FAT4: variants seen among roughly 807,000 people sequenced by gnomAD.
FAT4 encodes the protein FAT atypical cadherin 4.
A neutral mutation model predicts 303.9 loss-of-function variants in FAT4; 84 were observed. That is an observed-to-expected ratio of 0.28 (90% CI 0.23 to 0.33). FAT4 has a LOEUF of 0.33. Among genes scored for constraint, FAT4 ranks in the 10% least tolerant of loss-of-function variants. The pLI is 1.00. For synonymous variants in FAT4, 2,307 were observed against 2,298.8 expected, an observed-to-expected ratio of 1.00 and a Z score of -0.10; for missense variants, 6,005 against 6,146.8, an observed-to-expected ratio of 0.98 and a Z score of 0.77.
In FAT4 at chr4:125,360,261, G is replaced by A. The variant is rs548518026; in HGVS notation, c.5176-38523G>A. ...CTTTCCTCAATGGCTAAGAGATCTG[G>A]AGTCATCATGTCTGGGTTCATATTC... On this transcript the variant is annotated intron_variant, in intron 2 of 17. Transcript: ENST00000394329. Among the ~76,000 whole-genome samples the A allele has an allele frequency of 1.6e-4, 25 of 152,162 alleles. No individual in the cohort carries two copies. The Middle Eastern group carries it at 0.014, about 83-fold the overall frequency.
chr4:125,343,271 G>A (rs1430537342), intron 2 of FAT4, among the ~76,000 whole-genome samples: 1 of 152,092 alleles, frequency 6.6e-6, no homozygotes, highest in Non-Finnish European at 1.5e-5. Context: ...GCAAGTCAGT[G>A]TATTAACCTA....
At chr4:125,466,076 C>G (rs1726652139) in intron 11 of FAT4, among the ~76,000 whole-genome samples, 1 of 152,058 alleles carries the variant, frequency 6.6e-6, no homozygotes. Context: ...AGCTTCTCAT[C>G]AATAAAAGAT....
In FAT4 at chr4:125,318,614, C is replaced by G; in HGVS notation, c.2203C>G (p.Arg735Gly). 6.2e-7 allele frequency: 1 copy of G among 1,614,104 alleles called. No homozygotes were observed. Among genetic ancestry groups the G allele is most frequent in the East Asian group, 2.2e-5 (1 of 44,872 alleles). ...KYSISAGDRS[R>G]FQVNAQSGVI... ...TAGCATATCTGCTGGGGACAGGTCT[C>G]GGTTTCAGGTCAATGCTCAGAGTGG... The change falls in exon 2 of 18, where the codon CGG (arginine) becomes GGG (glycine). Residue 735 changes from arginine (R) to glycine (G), a missense_variant. Arg to Gly is a moderately radical substitution (Grantham distance 125). Transcript: ENST00000394329.
chr4:125,361,456 T>G, intron 2 of FAT4, among the ~76,000 whole-genome samples: 1 of 152,158 alleles, frequency 6.6e-6, no homozygotes, highest in East Asian at 1.9e-4. Flanking sequence ...TTGAGAAATA[T>G]AAAGTCATTG....
chr4:125,468,642 A>G lies in FAT4; in HGVS notation c.12036A>G (p.Leu4012=), dbSNP rs753006269. The G allele has an allele frequency of 1.2e-6, 2 of 1,614,124 alleles. No homozygotes were observed. Among genetic ancestry groups the G allele is most frequent in the Non-Finnish European group, 1.7e-6 (2 of 1,180,020 alleles). The part of the protein sequence containing the change: ...VKFATIKSHA[L]LLYNYDNQTG... ...TTGCCACGATTAAAAGTCATGCCTT[A>G]TTGCTTTACAACTATGACAACCAGA... Residue 4012 remains leucine, a synonymous_variant, in exon 12 of 18, where the codon TTA becomes TTG. Transcript: ENST00000394329.
chr4:125,413,765 G>A (rs961484087), intron 5 of FAT4, among the ~76,000 whole-genome samples: 1 of 151,910 alleles, frequency 6.6e-6, no homozygotes, highest in Non-Finnish European at 1.5e-5. Context: ...TTAAAGAAAA[G>A]AGTAAAAGGG....
chr4:125,343,328 A>G (rs1731871199), intron 2 of FAT4, among the ~76,000 whole-genome samples: 1 of 152,114 alleles, frequency 6.6e-6, no homozygotes, highest in South Asian at 2.1e-4. Context: ...ATGATGAATT[A>G]AGCAGCTTCA....
In FAT4 at chr4:125,316,572, A is replaced by G; in HGVS notation, c.161A>G (p.Glu54Gly). The change falls in exon 2 of 18, where the codon GAG (glutamate) becomes GGG (glycine). Residue 54 changes from glutamate (E) to glycine (G), a missense_variant. Transcript: ENST00000394329. The surrounding 1 kb of genome is among the most constrained non-coding windows in gnomAD (Gnocchi z 5.7). ...EPRQVFQVLE[E>G]QPPGTLVGTI... ...CGCCAGGTGTTCCAAGTGCTGGAAG[A>G]GCAACCTCCAGGCACTCTGGTAGGC... The G allele has an allele frequency of 6.2e-7, 1 of 1,613,996 alleles. No individual in the cohort carries two copies. Among genetic ancestry groups the G allele is most frequent in the South Asian group, 1.1e-5 (1 of 91,078 alleles).
chr4:125,422,796 G>A (rs985161514), intron 7 of FAT4, among the ~76,000 whole-genome samples: 12 of 152,186 alleles, frequency 7.9e-5, no homozygotes, highest in African/African-American at 2.9e-4. Context: ...ACAGTTTGGA[G>A]GGTTCAGAAT....
chr4:125,374,020 A>C (rs963466245), intron 2 of FAT4, among the ~76,000 whole-genome samples: 2 of 152,200 alleles, frequency 1.3e-5, no homozygotes, highest in African/African-American at 2.4e-5. Flanking sequence ...GGAAAATCTC[A>C]GTTTTAGTCA....
rs1020266831 is a variant in FAT4 at position 125,315,885 on chromosome 4, G to C, written c.-105G>C. Among the ~76,000 whole-genome samples the C allele has an allele frequency of 9.9e-5, 15 of 152,158 alleles. No homozygotes were observed. Among genetic ancestry groups the C allele is most frequent in the African/African-American group, 3.6e-4 (15 of 41,458 alleles). ...TCCATCGCCTCCAGCTTTTGGGAAA[G>C]AAATTCGATTCTCCCGGTTCCCCAC... On this transcript the variant is annotated 5_prime_UTR_variant, in exon 1 of 18. Transcript: ENST00000394329.
chr4:125,353,021 A>G (rs889420795), intron 2 of FAT4, among the ~76,000 whole-genome samples: 5 of 151,714 alleles, frequency 3.3e-5, no homozygotes, highest in African/African-American at 1.2e-4. Context: ...TAAAAATATT[A>G]TTTCACTCTA....
chr4:125,451,532 A>G lies in FAT4; in HGVS notation c.10522A>G (p.Asn3508Asp), dbSNP rs1424420494. 2 of 1,614,054 alleles carry G rather than the reference A, an allele frequency of 1.2e-6. No homozygotes were observed. The highest frequency in any genetic ancestry group is 1.7e-6 in the Non-Finnish European group (2 of 1,180,036). Residue 3508 changes from asparagine to aspartate, a missense_variant, in exon 10 of 18, where the codon AAC becomes GAC. Transcript: ENST00000394329. ...LLVTLEDIND[N>D]GPMLTVSEGE... is the part of the protein sequence containing the mutation. Reference sequence around the variant, plus strand: ...AGTCACCCTGGAAGATATAAATGATAACGGGCCCATGCTGACTGTCAGTGA... The same window carrying G: ...AGTCACCCTGGAAGATATAAATGATGACGGGCCCATGCTGACTGTCAGTGA...
At position 125,388,240 on chromosome 4, in the gene FAT4, G is replaced by A. The variant is rs145056526; in HGVS notation, c.5176-10544G>A. ...GGCAAGGAGAAAAATCTCACCTTTA[G>A]TGGGAGGGACTGCAAAGTTGTTTAT... is the stretch of plus-strand genomic sequence containing the variant. On this transcript the variant is annotated intron_variant, in intron 2 of 17. Coordinates refer to ENST00000394329, the MANE Select transcript of FAT4 (RefSeq NM_001291303.3). Among the ~76,000 whole-genome samples the A allele has an allele frequency of 4.6e-5, 7 of 152,308 alleles. No homozygotes were observed. In the East Asian group the frequency reaches 1.4e-3, roughly 29 times the overall value.
intron 10 of FAT4, among the ~76,000 whole-genome samples, chr4:125,453,942 A>G (rs1031060934): frequency 6.6e-6 from 1 of 152,190 alleles, no homozygotes; most frequent in South Asian, 2.1e-4. Flanking sequence ...ATTATTATCT[A>G]TCAACCTATC....
chr4:125,362,428 A>G (rs996050519), intron 2 of FAT4, among the ~76,000 whole-genome samples: 5 of 152,168 alleles, frequency 3.3e-5, no homozygotes, highest in African/African-American at 1.2e-4. Context: ...TGATGACATG[A>G]GTAGGTAATA....
chr4:125,433,729 GCTATTTTTT>G (rs1725355498), intron 7 of FAT4, among the ~76,000 whole-genome samples: 5 of 152,294 alleles, frequency 3.3e-5, no homozygotes, highest in African/African-American at 1.2e-4. Context: ...ATAACTTGAA[GCTATTTTTT>G]GTTTCCCACA....
chr4:125,404,885 C>T (rs1185043574), intron 3 of FAT4, among the ~76,000 whole-genome samples: 1 of 152,094 alleles, frequency 6.6e-6, no homozygotes, highest in Non-Finnish European at 1.5e-5. Context: ...CATGTAGTCA[C>T]ATATGGCAGG....
At chr4:125,454,693 C>CGTGGTGGCA (rs1216817946) in intron 10 of FAT4, among the ~76,000 whole-genome samples, 2 of 151,910 alleles carry the variant, frequency 1.3e-5, no homozygotes, top group African/African-American at 4.8e-5. Flanking sequence ...ATTAGCTGGG[C>CGTGGTGGCA]GTGGTGGCAG....
Sources: allele counts gnomAD v4.1 joint callset (sites outside exome capture counted in the v4.1 genomes callset), GRCh38; gene constraint gnomAD v4.1.1; non-coding constraint Gnocchi (gnomAD v3.1); transcripts MANE v1.5; gene names NCBI Gene and HGNC (gene_info 2026-07-23, HGNC 2026-07-21).